LRRC37A2: variants seen among roughly 807,000 people sequenced by gnomAD.
The protein encoded by LRRC37A2 is leucine-rich repeat-containing protein 37A2.
Under a neutral mutation model 68.8 loss-of-function variants are expected in LRRC37A2, and 9 were observed. The observed-to-expected ratio is 0.13, with a 90% CI of 0.08 to 0.23. The LOEUF (loss-of-function observed/expected upper bound fraction) is 0.23, where lower values mean the gene tolerates loss of function less well. Among genes scored for constraint, LRRC37A2 ranks in the 10% least tolerant of loss-of-function variants. The pLI, the probability that LRRC37A2 is intolerant of heterozygous loss-of-function variation, is 1.00. For synonymous variants in LRRC37A2, 63 were observed against 367.6 expected, an observed-to-expected ratio of 0.17 and a Z score of 9.48; for missense variants, 168 against 950.4, an observed-to-expected ratio of 0.18 and a Z score of 10.82.
the LRRC37A2 span, among the ~76,000 whole-genome samples, chr17:46,568,752 C>A: frequency 1.1e-5 from 1 of 92,300 alleles, no homozygotes; most frequent in East Asian, 3.1e-4. Flanking sequence ...TTACAGTGAG[C>A]CAAGATTGTG....
the LRRC37A2 span, among the ~76,000 whole-genome samples, chr17:46,811,127 T>G: frequency 9.9e-6 from 1 of 100,872 alleles, no homozygotes; most frequent in Non-Finnish European, 2.6e-5. Flanking sequence ...TGCAAACAGA[T>G]AAATCGACAC....
the LRRC37A2 span, among the ~76,000 whole-genome samples, chr17:46,709,731 G>T: frequency 6.6e-6 from 1 of 152,100 alleles, no homozygotes; most frequent in Non-Finnish European, 1.5e-5. Context: ...CATACCTCAG[G>T]TGATCCACCC....
the LRRC37A2 span, chr17:46,936,462 ACTTT>A: frequency 4.1e-6 from 4 of 985,118 alleles, no homozygotes; most frequent in Non-Finnish European, 4.8e-6. Flanking sequence ...GAGGTTTCTA[ACTTT>A]CCTCTGCACA....
the LRRC37A2 span, among the ~76,000 whole-genome samples, chr17:46,863,064 G>A: frequency 9.7e-4 from 148 of 152,256 alleles, 3 homozygotes; most frequent in South Asian, 0.028. Flanking sequence ...GGATGGCCCC[G>A]AGATCTGGCA....
the LRRC37A2 span, among the ~76,000 whole-genome samples, chr17:46,903,046 C>T: frequency 6.6e-6 from 1 of 152,126 alleles, no homozygotes; most frequent in Non-Finnish European, 1.5e-5. Context: ...CTTTGGGAGG[C>T]CAAGGCAGGC....
the LRRC37A2 span, chr17:46,833,424 C>T: frequency 1.9e-6 from 1 of 516,878 alleles, no homozygotes; most frequent in Non-Finnish European, 3.9e-6. Flanking sequence ...TACCAGCCCT[C>T]TAAGAAGAAT....
the LRRC37A2 span, among the ~76,000 whole-genome samples, chr17:46,690,559 C>T: frequency 1.1e-5 from 1 of 93,620 alleles, no homozygotes; most frequent in Non-Finnish European, 2.1e-5. Flanking sequence ...TTGCAGTGAG[C>T]CAAGATCACG....
At chr17:46,803,399 C>T in the LRRC37A2 span, among the ~76,000 whole-genome samples, 2 of 152,180 alleles carry the variant, frequency 1.3e-5, no homozygotes, top group East Asian at 1.9e-4. Flanking sequence ...CCAGGTGTGG[C>T]GGTGCACACC....
the LRRC37A2 span, among the ~76,000 whole-genome samples, chr17:46,994,790 C>G: frequency 6.8e-6 from 1 of 148,088 alleles, no homozygotes; most frequent in Non-Finnish European, 1.5e-5. Flanking sequence ...GGGGCTTCTT[C>G]CTGGGTTAAT....
At chr17:46,769,761 T>G in the LRRC37A2 span, 1 of 1,607,460 alleles carries the variant, frequency 6.2e-7, no homozygotes, top group East Asian at 2.2e-5. Flanking sequence ...CTGAAGGGTT[T>G]GGGGAGGGTA....
At chr17:46,731,605 A>T in the LRRC37A2 span, among the ~76,000 whole-genome samples, 4 of 152,320 alleles carry the variant, frequency 2.6e-5, no homozygotes, top group Admixed American at 1.3e-4. Flanking sequence ...TACGTGGCCC[A>T]GCTTGGGAGA....
intron 6 of LRRC37A2, among the ~76,000 whole-genome samples, chr17:46,526,533 G>C (rs1301510849): frequency 9.6e-6 from 1 of 104,656 alleles, no homozygotes; most frequent in African/African-American, 3.7e-5. Flanking sequence ...GTTTTTACTA[G>C]ATAAGGCTCA....
chr17:46,753,822 G>A, the LRRC37A2 span, among the ~76,000 whole-genome samples: 41 of 152,262 alleles, frequency 2.7e-4, no homozygotes, highest in Non-Finnish European at 4.7e-4. Flanking sequence ...AATGGATTTC[G>A]TGCAGCTGAG....
chr17:46,772,407 G>A, the LRRC37A2 span, among the ~76,000 whole-genome samples: 5 of 152,232 alleles, frequency 3.3e-5, no homozygotes, highest in East Asian at 7.7e-4. Flanking sequence ...GACGGGAAGA[G>A]CGATCAGAGG....
chr17:46,792,737 G>T, the LRRC37A2 span, among the ~76,000 whole-genome samples: 1 of 152,206 alleles, frequency 6.6e-6, no homozygotes, highest in Admixed American at 6.5e-5. Flanking sequence ...CTCCCAAAGC[G>T]CTGGGACTAC....
the LRRC37A2 span, among the ~76,000 whole-genome samples, chr17:46,815,013 G>T: frequency 6.6e-6 from 1 of 152,172 alleles, no homozygotes; most frequent in Non-Finnish European, 1.5e-5. Flanking sequence ...CCTGGGTGAA[G>T]TGTAAGGAAG....
chr17:46,704,706 T>TA, the LRRC37A2 span: 1 of 1,583,136 alleles, frequency 6.3e-7, no homozygotes. Flanking sequence ...AATATATTCT[T>TA]AACTATTCTT....
chr17:46,778,633 T>G, the LRRC37A2 span, among the ~76,000 whole-genome samples: 188 of 152,298 alleles, frequency 1.2e-3, 6 homozygotes, highest in East Asian at 0.032. Flanking sequence ...CACGTTCCAC[T>G]TCGGGAGGCG....
chr17:46,970,325 G>A, the LRRC37A2 span, among the ~76,000 whole-genome samples: 1 of 152,104 alleles, frequency 6.6e-6, no homozygotes, highest in African/African-American at 2.4e-5. Flanking sequence ...TGGATCACCT[G>A]AGGTCAGGAG....
Sources: allele counts gnomAD v4.1 joint callset (sites outside exome capture counted in the v4.1 genomes callset), GRCh38; gene constraint gnomAD v4.1.1; transcripts MANE v1.5; gene names NCBI Gene and HGNC (gene_info 2026-07-23, HGNC 2026-07-21).